The following SIMC1 variants were observed in gnomAD, a reference collection of about 807,000 sequenced individuals.
SIMC1 encodes SUMO-interacting motif-containing protein 1.
A neutral mutation model predicts 82.3 loss-of-function variants in SIMC1; 55 were observed. The ratio of observed to expected loss-of-function variants is 0.67; its 90% confidence interval spans 0.54 to 0.84. SIMC1 has a LOEUF of 0.84. SIMC1 is among the 40% of genes least tolerant of loss of function. The pLI is 0.00. For missense variants in SIMC1, 915 were observed against 1,107.2 expected, an observed-to-expected ratio of 0.83 and a Z score of 2.46; for synonymous variants, 353 against 426.3, an observed-to-expected ratio of 0.83 and a Z score of 2.12.
chr5:176,297,272 G>A lies in SIMC1; in HGVS notation c.1734+952G>A, dbSNP rs1328612498. On this transcript the variant is annotated intron_variant, in intron 4 of 9. Coordinates refer to ENST00000429602, the MANE Select transcript of SIMC1 (RefSeq NM_001308195.2). ...TCCCAGCACTTTGGGAGGCCAAGGCGGGCAAATCACCTGAGGTCGGGAGTT... is the reference window on the plus strand; with the variant it reads ...TCCCAGCACTTTGGGAGGCCAAGGCAGGCAAATCACCTGAGGTCGGGAGTT... Among the ~76,000 whole-genome samples the A allele has an allele frequency of 5.3e-5, 8 of 152,152 alleles. No individual in the cohort carries two copies. In the South Asian group the frequency reaches 6.2e-4, roughly 12 times the overall value.
intron 4 of SIMC1, among the ~76,000 whole-genome samples, chr5:176,301,332 T>G (rs1217185293): frequency 6.6e-6 from 1 of 152,204 alleles, no homozygotes; most frequent in African/African-American, 2.4e-5. Context: ...AGATGTGACT[T>G]TGCTCCTCAT....
At chr5:176,336,224 C>G (rs55755751) in intron 7 of SIMC1, among the ~76,000 whole-genome samples, 17,383 of 152,178 alleles carry the variant, frequency 0.11, 1,080 homozygotes, top group Admixed American at 0.15. Context: ...AAGGCCACTT[C>G]CAGTCCCCAA....
intron 1 of SIMC1, among the ~76,000 whole-genome samples, chr5:176,278,123 C>G (rs1440639367): frequency 1.3e-5 from 1 of 75,260 alleles, no homozygotes; most frequent in Non-Finnish European, 2.8e-5. Flanking sequence ...CTTTTATTTC[C>G]TTGAGCAGTG....
intron 1 of SIMC1, among the ~76,000 whole-genome samples, chr5:176,274,026 G>A: frequency 6.7e-6 from 1 of 149,040 alleles, no homozygotes; most frequent in Admixed American, 6.7e-5. Context: ...ACCCAGTAAT[G>A]GGATGGCTGG....
chr5:176,325,024 A>G (rs1765317573), intron 7 of SIMC1, among the ~76,000 whole-genome samples: 1 of 152,198 alleles, frequency 6.6e-6, no homozygotes, highest in South Asian at 2.1e-4. Flanking sequence ...ACAGTACCCT[A>G]AATGGAGGCT....
intron 1 of SIMC1, among the ~76,000 whole-genome samples, chr5:176,264,595 T>A (rs1762128454): frequency 6.6e-6 from 1 of 151,770 alleles, no homozygotes; most frequent in African/African-American, 2.4e-5. Flanking sequence ...CTAGGCCTTT[T>A]TCCCATTGTC....
intron 5 of SIMC1, among the ~76,000 whole-genome samples, chr5:176,319,840 C>G (rs1416007329): frequency 6.6e-6 from 1 of 152,094 alleles, no homozygotes; most frequent in African/African-American, 2.4e-5. Context: ...ATTTTGGTCT[C>G]TATCTCTTTA....
intron 1 of SIMC1, among the ~76,000 whole-genome samples, chr5:176,251,418 T>G (rs1561670938): frequency 6.6e-6 from 1 of 152,094 alleles, no homozygotes; most frequent in African/African-American, 2.4e-5. Flanking sequence ...CTGGTACCGG[T>G]TTTTCCTTTC....
chr5:176,248,581 A>G (rs562879039), intron 1 of SIMC1, among the ~76,000 whole-genome samples: 25 of 152,254 alleles, frequency 1.6e-4, no homozygotes, highest in African/African-American at 5.5e-4. Flanking sequence ...CTCTCTTCCT[A>G]TTTGAATACC....
At chr5:176,243,093 T>C (rs1761323862) in intron 1 of SIMC1, among the ~76,000 whole-genome samples, 1 of 152,064 alleles carries the variant, frequency 6.6e-6, no homozygotes, top group Admixed American at 6.5e-5. Flanking sequence ...AAGATGATAA[T>C]GGAACTACAT....
chr5:176,333,257 T>C (rs947762463), intron 7 of SIMC1, among the ~76,000 whole-genome samples: 14 of 151,540 alleles, frequency 9.2e-5, no homozygotes, highest in Non-Finnish European at 1.9e-4. Context: ...TGAGCCAAGA[T>C]TGCACCACTG....
chr5:176,306,921 T>TA (rs778639984), intron 4 of SIMC1, among the ~76,000 whole-genome samples: 1,249 of 91,488 alleles, frequency 0.014, 14 homozygotes, highest in African/African-American at 0.033. Context: ...AAAAATAAAT[T>TA]AAAAAAAAAA....
At chr5:176,324,486 G>T (rs1765290718) in intron 6 of SIMC1, 143 bp from the exon 7 acceptor site, 2 of 734,202 alleles carry the variant, frequency 2.7e-6, no homozygotes, top group Non-Finnish European at 4.0e-6. Context: ...GGTTTGAGTA[G>T]TTCTCCCTGA....
At chr5:176,270,684 AT>A (rs1166532499) in intron 1 of SIMC1, among the ~76,000 whole-genome samples, 2 of 152,230 alleles carry the variant, frequency 1.3e-5, no homozygotes, top group Non-Finnish European at 2.9e-5. Flanking sequence ...AAGCGAAGTG[AT>A]TGTGAGACTT....
At chr5:176,308,294 A>G in intron 4 of SIMC1, 3 of 1,468,722 alleles carry the variant, frequency 2.0e-6, no homozygotes, top group South Asian at 2.3e-5. Flanking sequence ...TCGTTCTGTC[A>G]TCATCTTAAC....
intron 3 of SIMC1, among the ~76,000 whole-genome samples, chr5:176,295,735 A>G (rs1763785839): frequency 6.6e-6 from 1 of 151,494 alleles, no homozygotes; most frequent in South Asian, 2.1e-4. Flanking sequence ...GTAGCCTCTC[A>G]GCCTCAGTTC....
intron 1 of SIMC1, among the ~76,000 whole-genome samples, chr5:176,259,966 ATATAT>A (rs200343180): frequency 0.013 from 1,891 of 150,364 alleles, 27 homozygotes; most frequent in African/African-American, 0.043. Context: ...AAATTACTTA[ATATAT>A]TATAGGCATT....
chr5:176,313,881 T>A, intron 5 of SIMC1, 36 bp downstream of exon 5: 1 of 1,610,976 alleles, frequency 6.2e-7, no homozygotes, highest in Non-Finnish European at 8.5e-7. Context: ...TGAGAAGAGG[T>A]AAGGGATTAT....
At chr5:176,243,012 T>C (rs891607943) in intron 1 of SIMC1, among the ~76,000 whole-genome samples, 2 of 152,128 alleles carry the variant, frequency 1.3e-5, no homozygotes, top group African/African-American at 4.8e-5. Context: ...TTTTTATTTT[T>C]TTATTATGAT....
Sources: allele counts gnomAD v4.1 joint callset (sites outside exome capture counted in the v4.1 genomes callset), GRCh38; gene constraint gnomAD v4.1.1; transcripts MANE v1.5; gene names NCBI Gene and HGNC (gene_info 2026-07-23, HGNC 2026-07-21).